Variants in ANXA4 observed in about 807,000 individuals in gnomAD.
ANXA4 encodes the protein annexin A4, also known as 35-beta calcimedin.
ANXA4 carries 39 observed loss-of-function variants against 49.8 expected under a neutral mutation model. That is an observed-to-expected ratio of 0.78 (90% confidence interval 0.61 to 1.02). ANXA4 has a LOEUF of 1.02. Ranked by LOEUF, ANXA4 falls within the 50% of genes least tolerant of loss-of-function variation. The pLI is 0.00. For missense variants in ANXA4, 360 were observed against 410.1 expected, an observed-to-expected ratio of 0.88 and a Z score of 1.05; for synonymous variants, 134 against 152.5, an observed-to-expected ratio of 0.88 and a Z score of 0.89.
intron 2 of ANXA4, among the ~76,000 whole-genome samples, chr2:69,710,308 T>C (rs1381511914): frequency 1.3e-5 from 2 of 152,188 alleles, no homozygotes; most frequent in Non-Finnish European, 2.9e-5. Context: ...TTTAAATGCA[T>C]TGCTGATATT....
At chr2:69,801,047 G>A (rs191585633) in intron 3 of ANXA4, among the ~76,000 whole-genome samples, 163 of 152,286 alleles carry the variant, frequency 1.1e-3, no homozygotes, top group African/African-American at 3.6e-3. Flanking sequence ...GTTAGAAACA[G>A]GTGTGCTATC....
intron 2 of ANXA4, among the ~76,000 whole-genome samples, chr2:69,683,238 C>A (rs934510652): frequency 9.9e-5 from 15 of 152,160 alleles, no homozygotes; most frequent in African/African-American, 3.6e-4. Context: ...GTGAAAAGAA[C>A]TCTTAGGTGA....
intron 2 of ANXA4, among the ~76,000 whole-genome samples, chr2:69,786,373 C>T (rs760385527): frequency 8.5e-5 from 13 of 152,146 alleles, no homozygotes; most frequent in Non-Finnish European, 1.6e-4. Flanking sequence ...CATATCCCAC[C>T]CCCAGATCTT....
intron 2 of ANXA4, among the ~76,000 whole-genome samples, chr2:69,692,186 A>G (rs1677998550): frequency 6.6e-6 from 1 of 152,042 alleles, no homozygotes; most frequent in Non-Finnish European, 1.5e-5. Flanking sequence ...CGCCCAGACA[A>G]CTCTTCATTT....
At chr2:69,757,260 ATATATATTTTTTT>A (rs1431287930) in intron 1 of ANXA4, among the ~76,000 whole-genome samples, 1 of 51,728 alleles carries the variant, frequency 1.9e-5, no homozygotes, top group African/African-American at 7.0e-5. Context: ...ATATATATAT[ATATATATTTTTTT>A]TTTTTTTTTT....
chr2:69,822,584 G>A (rs895340750), intron 12 of ANXA4, among the ~76,000 whole-genome samples: 2 of 152,078 alleles, frequency 1.3e-5, no homozygotes, highest in African/African-American at 4.8e-5. Context: ...TCAATGGTAC[G>A]CTGTCATGAA....
intron 2 of ANXA4, among the ~76,000 whole-genome samples, chr2:69,711,658 T>C (rs1357438610): frequency 6.6e-6 from 1 of 152,236 alleles, no homozygotes; most frequent in East Asian, 1.9e-4. Context: ...GTTTGTAGTA[T>C]GTACATTGTA....
upstream of ANXA4, among the ~76,000 whole-genome samples, chr2:69,741,021 A>C (rs1381406649): frequency 2.0e-5 from 3 of 152,130 alleles, no homozygotes; most frequent in African/African-American, 4.8e-5. Flanking sequence ...TATGCAGATA[A>C]AAGAGGCAGA....
chr2:69,685,745 A>G (rs570725791), intron 2 of ANXA4, among the ~76,000 whole-genome samples: 1 of 152,368 alleles, frequency 6.6e-6, no homozygotes, highest in East Asian at 1.9e-4. Flanking sequence ...TTAACTCAAT[A>G]TGAGTCAGAA....
chr2:69,796,155 A>C (rs751424078), intron 3 of ANXA4, among the ~76,000 whole-genome samples: 29 of 152,172 alleles, frequency 1.9e-4, no homozygotes, highest in Non-Finnish European at 3.7e-4. Context: ...GGGGCAGTTT[A>C]ATATCCAGTG....
At chr2:69,745,071 C>A (rs923541364) in intron 1 of ANXA4, among the ~76,000 whole-genome samples, 4 of 151,892 alleles carry the variant, frequency 2.6e-5, no homozygotes, top group African/African-American at 9.7e-5. Flanking sequence ...GCACTCCAGC[C>A]TAGGTGACAG....
At chr2:69,656,842 G>T (rs976035274) in intron 2 of ANXA4, among the ~76,000 whole-genome samples, 2 of 151,916 alleles carry the variant, frequency 1.3e-5, no homozygotes, top group African/African-American at 4.8e-5. Flanking sequence ...GAGCCACTGG[G>T]CCTGCTCATT....
chr2:69,655,732 TGTTTA>T (rs552619087), intron 2 of ANXA4, among the ~76,000 whole-genome samples: 54 of 152,308 alleles, frequency 3.5e-4, no homozygotes, highest in African/African-American at 1.3e-3. Flanking sequence ...TGCACACATA[TGTTTA>T]TTGCGGCACT....
At chr2:69,655,115 G>C (rs956706769) in intron 2 of ANXA4, among the ~76,000 whole-genome samples, 1 of 152,160 alleles carries the variant, frequency 6.6e-6, no homozygotes, top group Non-Finnish European at 1.5e-5. Context: ...ACAGAGGCCT[G>C]GGTAAAGACT....
chr2:69,788,273 C>T (rs1672501620), intron 3 of ANXA4, 132 bp downstream of exon 3: 1 of 762,026 alleles, frequency 1.3e-6, no homozygotes. Flanking sequence ...GGGTGTGGGG[C>T]TCATGCCTGT....
At chr2:69,698,137 T>G (rs1678217262) in intron 2 of ANXA4, among the ~76,000 whole-genome samples, 2 of 152,236 alleles carry the variant, frequency 1.3e-5, no homozygotes, top group African/African-American at 4.8e-5. Context: ...GTTATCACCT[T>G]GCTCTGTCCT....
intron 2 of ANXA4, among the ~76,000 whole-genome samples, chr2:69,704,350 A>G (rs1294061175): frequency 6.6e-5 from 10 of 152,236 alleles, no homozygotes; most frequent in Admixed American, 1.3e-4. Flanking sequence ...AAATTCTCTT[A>G]TAATTTCTGT....
intron 2 of ANXA4, among the ~76,000 whole-genome samples, chr2:69,681,096 A>C (rs970882960): frequency 1.3e-5 from 2 of 152,052 alleles, no homozygotes; most frequent in African/African-American, 4.8e-5. Flanking sequence ...GTTCTTTGTA[A>C]GTTTGGTAGA....
chr2:69,729,273 CA>C (rs149599981), intron 3 of ANXA4, among the ~76,000 whole-genome samples: 10,032 of 152,262 alleles, frequency 0.066, 977 homozygotes, highest in African/African-American at 0.22. Context: ...CTCAGCCTCC[CA>C]AAAGTGCTGG....
Sources: allele counts gnomAD v4.1 joint callset (sites outside exome capture counted in the v4.1 genomes callset), GRCh38; gene constraint gnomAD v4.1.1; transcripts MANE v1.5; gene names NCBI Gene and HGNC (gene_info 2026-07-23, HGNC 2026-07-21).